The following BICD1 variants were observed in gnomAD, a reference collection of about 807,000 sequenced individuals.
BICD1 encodes the protein BICD cargo adaptor 1, also known as protein bicaudal D homolog 1.
In BICD1, 35 loss-of-function variants were observed where a neutral mutation model predicts 92.5. The observed-to-expected ratio is 0.38, with a 90% CI of 0.29 to 0.50. The LOEUF is 0.50. Among genes scored for constraint, BICD1 ranks in the 20% least tolerant of loss-of-function variants. The pLI is 0.93. For synonymous variants in BICD1, 429 were observed against 465.1 expected (o/e 0.92, Z 1.00); for missense variants, 950 against 1,189.8 (o/e 0.80, Z 2.97).
Position 32,337,569 on chromosome 12 carries a change from A to G in BICD1, c.2323A>G (p.Thr775Ala). Residue 775 changes from threonine to alanine, a missense_variant, in exon 7 of 10, where the codon ACT becomes GCT. Physicochemically the swap from Thr to Ala is moderately conservative, Grantham distance 58 (BLOSUM62 0). Coordinates refer to ENST00000652176, the MANE Select transcript of BICD1 (RefSeq NM_001714.4). The surrounding 1 kb of genome is among the most constrained non-coding windows in gnomAD (Gnocchi z 4.7). Reference sequence around the variant, plus strand: ...AGCAGCTGCAGAGGATGAGAAGAAGACTCTGAACACTTTGTTACGAATGGC... The same window carrying G: ...AGCAGCTGCAGAGGATGAGAAGAAGGCTCTGAACACTTTGTTACGAATGGC... Reference protein sequence around the residue: ...QLAAAEDEKKTLNTLLRMAIQ... With the variant: ...QLAAAEDEKKALNTLLRMAIQ... The G allele has an allele frequency of 6.2e-7, 1 of 1,614,100 alleles. No individual in the cohort carries two copies. The highest frequency in any genetic ancestry group is 8.5e-7 in the Non-Finnish European group (1 of 1,180,028).
intron 8 of BICD1, among the ~76,000 whole-genome samples, chr12:32,364,500 C>T (rs749496522): frequency 1.3e-5 from 2 of 152,210 alleles, no homozygotes; most frequent in Admixed American, 1.3e-4. Context: ...GCTGTAGACC[C>T]GAGAAGAGGG....
In BICD1 at chr12:32,380,394, G is replaced by A. The variant is rs745352361; in HGVS notation, c.*2767G>A. 9 of 152,170 alleles carry A rather than the reference G, an allele frequency of 5.9e-5. No individual in the cohort carries two copies. The East Asian group carries it at 9.6e-4, about 16-fold the overall frequency. The allele number at this position is 152,170 out of a possible 1,614,324, so 9.4% of individuals were successfully genotyped here. On this transcript the variant is annotated 3_prime_UTR_variant, in exon 10 of 10. Coordinates refer to ENST00000652176, the MANE Select transcript of BICD1 (RefSeq NM_001714.4). ...AAGACTAATTGAAGACATACTTGGA[G>A]AGGAAAAATAAACAGCAGAAATGCA...
chr12:32,120,081 A>G (rs1942087658), intron 1 of BICD1, among the ~76,000 whole-genome samples: 1 of 152,182 alleles, frequency 6.6e-6, no homozygotes, highest in African/African-American at 2.4e-5. Flanking sequence ...TACTGTTTAA[A>G]GTGTCTTTTA....
At chr12:32,158,686 A>G (rs1943515601) in intron 1 of BICD1, among the ~76,000 whole-genome samples, 1 of 152,084 alleles carries the variant, frequency 6.6e-6, no homozygotes, top group Non-Finnish European at 1.5e-5. Flanking sequence ...CTTCCTTCTC[A>G]TGTGGCTTTC....
chr12:32,142,460 ATC>A (rs1592366657), intron 1 of BICD1, among the ~76,000 whole-genome samples: 2 of 59,264 alleles, frequency 3.4e-5, no homozygotes, highest in East Asian at 4.6e-3. Flanking sequence ...TATCCTATCT[ATC>A]TATCTATCTA....
chr12:32,210,325 TTGAGA>T (rs1463211639), intron 1 of BICD1, among the ~76,000 whole-genome samples: 1 of 152,190 alleles, frequency 6.6e-6, no homozygotes, highest in East Asian at 1.9e-4. Flanking sequence ...GCCACAGTTT[TTGAGA>T]TGAAAGAACG....
intron 8 of BICD1, among the ~76,000 whole-genome samples, chr12:32,345,845 T>A (rs1938543904): frequency 2.0e-5 from 3 of 152,216 alleles, no homozygotes; most frequent in African/African-American, 7.2e-5. Context: ...AGTCTAGTAG[T>A]CATGTTAGAA....
intron 3 of BICD1, among the ~76,000 whole-genome samples, chr12:32,304,973 G>T (rs928627598): frequency 1.3e-5 from 2 of 152,216 alleles, no homozygotes; most frequent in Non-Finnish European, 2.9e-5. Context: ...AGTGAGCCAT[G>T]ATCATACCAT....
At chr12:32,325,147 G>GTTTTTTTTTTTTT (rs57917790) in intron 4 of BICD1, among the ~76,000 whole-genome samples, 1 of 150,062 alleles carries the variant, frequency 6.7e-6, no homozygotes, top group South Asian at 2.1e-4. Flanking sequence ...CTCCATTTAT[G>GTTTTTTTTTTTTT]TTTTTTTTTT....
chr12:32,358,737 GAA>G (rs138441424), intron 8 of BICD1, among the ~76,000 whole-genome samples: 1 of 151,470 alleles, frequency 6.6e-6, no homozygotes, highest in African/African-American at 2.4e-5. Flanking sequence ...CTCCACCTCA[GAA>G]AAAAAAGTAA....
chr12:32,359,206 G>A (rs976267227), intron 8 of BICD1, among the ~76,000 whole-genome samples: 4 of 152,102 alleles, frequency 2.6e-5, no homozygotes, highest in Admixed American at 2.0e-4. Context: ...CTTATTGAAA[G>A]GTCTTTAATG....
chr12:32,306,751 A>C (rs1948238556), intron 4 of BICD1, among the ~76,000 whole-genome samples: 1 of 151,738 alleles, frequency 6.6e-6, no homozygotes, highest in African/African-American at 2.4e-5. Context: ...GCGGTGGCTT[A>C]CACCTGTAAT....
chr12:32,294,243 CTT>C, intron 3 of BICD1, 97 bp downstream of exon 3: 1 of 1,178,058 alleles, frequency 8.5e-7, no homozygotes, highest in Non-Finnish European at 1.2e-6. Flanking sequence ...TATTGTTACT[CTT>C]TTATCTTCTC....
At position 32,121,812 on chromosome 12, in the gene BICD1, ATTTT is replaced by A. The variant is rs77883866; in HGVS notation, c.213+14284_213+14287del. The stretch of plus-strand genomic sequence containing the variant: ...ACAACAGAAGATCTCAGTTTGTCAA[ATTTT>A]TTTTTTTTTTTTTTTGAGACAGGGT... On this transcript the variant is annotated intron_variant, in intron 1 of 9. Coordinates refer to ENST00000652176, the MANE Select transcript of BICD1 (RefSeq NM_001714.4). Among the ~76,000 whole-genome samples the A allele has an allele frequency of 8.2e-3, 1,152 of 140,242 alleles. 12 individuals carry two copies. The highest frequency in any genetic ancestry group is 0.029 in the African/African-American group (1,063 of 37,152). 92.0% of individuals were successfully genotyped at this position (140,242 alleles called of 152,430 possible).
At chr12:32,289,118 G>A (rs962366452) in intron 2 of BICD1, among the ~76,000 whole-genome samples, 2 of 152,110 alleles carry the variant, frequency 1.3e-5, no homozygotes, top group Non-Finnish European at 2.9e-5. Flanking sequence ...AAGCTCCTGC[G>A]GCCAGAGCCA....
rs187613350 is a variant in BICD1 at position 32,304,052 on chromosome 12, C to T, written c.580-1645C>T. Reference sequence around the variant, plus strand: ...TCACGCCACTGCACTCCAGCCTGGGCGACAGAGCGAGACTCCGTCTCAAAA... The same window carrying T: ...TCACGCCACTGCACTCCAGCCTGGGTGACAGAGCGAGACTCCGTCTCAAAA... On this transcript the variant is annotated intron_variant, in intron 3 of 9. Transcript: ENST00000652176. Among the ~76,000 whole-genome samples, 1,101 of 151,128 alleles carry T rather than the reference C, an allele frequency of 7.3e-3. 7 individuals are homozygous for T. The highest frequency in any genetic ancestry group is 0.011 in the Non-Finnish European group (753 of 67,840).
chr12:32,252,186 T>TATTTATTATAA (rs1946582448), intron 2 of BICD1, among the ~76,000 whole-genome samples: 19 of 133,188 alleles, frequency 1.4e-4, no homozygotes, highest in African/African-American at 2.6e-4. Flanking sequence ...TTATATAATA[T>TATTTATTATAA]ATACTATATA....
chr12:32,278,246 A>G (rs1406385863), intron 2 of BICD1, among the ~76,000 whole-genome samples: 1 of 152,192 alleles, frequency 6.6e-6, no homozygotes, highest in Non-Finnish European at 1.5e-5. Flanking sequence ...TATTGTAGTA[A>G]TTGTGGTATC....
intron 8 of BICD1, among the ~76,000 whole-genome samples, chr12:32,344,976 T>A (rs1342985850): frequency 6.6e-6 from 1 of 152,202 alleles, no homozygotes; most frequent in Non-Finnish European, 1.5e-5. Flanking sequence ...GAACATGTTG[T>A]CTTTAGTTTG....
Sources: allele counts gnomAD v4.1 joint callset (sites outside exome capture counted in the v4.1 genomes callset), GRCh38; gene constraint gnomAD v4.1.1; non-coding constraint Gnocchi (gnomAD v3.1); transcripts MANE v1.5; gene names NCBI Gene and HGNC (gene_info 2026-07-23, HGNC 2026-07-21).